The following GRIK1 variants were observed in gnomAD, a reference collection of about 807,000 sequenced individuals.
GRIK1 encodes glutamate ionotropic receptor kainate type subunit 1.
Under a neutral mutation model 105.7 loss-of-function variants are expected in GRIK1, and 69 were observed. The observed-to-expected ratio is 0.65, with a 90% CI of 0.54 to 0.80. The LOEUF is 0.80. Among genes scored for constraint, GRIK1 ranks in the 30% least tolerant of loss-of-function variants. GRIK1 has a pLI of 0.00. For missense variants in GRIK1, 1,109 were observed against 1,167.3 expected (o/e 0.95, Z 0.73); for synonymous variants, 438 against 431.3 (o/e 1.02, Z -0.19).
chr21:29,738,442 A>G (rs1419825844), intron 1 of GRIK1, among the ~76,000 whole-genome samples: 1 of 152,220 alleles, frequency 6.6e-6, no homozygotes, highest in Non-Finnish European at 1.5e-5. Context: ...TTTTGCAGTC[A>G]CTTGGAGAGA....
intron 7 of GRIK1, among the ~76,000 whole-genome samples, chr21:29,636,740 C>T (rs751224324): frequency 6.6e-6 from 1 of 152,166 alleles, no homozygotes; most frequent in Non-Finnish European, 1.5e-5. Flanking sequence ...CCACATTAAT[C>T]TTTGTTGGTT....
intron 1 of GRIK1, among the ~76,000 whole-genome samples, chr21:29,821,338 C>A (rs1323426070): frequency 6.6e-6 from 1 of 152,008 alleles, no homozygotes; most frequent in Non-Finnish European, 1.5e-5. Flanking sequence ...CAGTTGCAGG[C>A]CTCAGTCTAT....
At chr21:29,554,960 A>G (rs2090211471) in intron 16 of GRIK1, 92 bp downstream of exon 16, 5 of 1,075,702 alleles carry the variant, frequency 4.6e-6, no homozygotes, top group Non-Finnish European at 6.7e-6. Context: ...AATTCAATAG[A>G]CTGAAAAAGA....
intron 1 of GRIK1, among the ~76,000 whole-genome samples, chr21:29,867,389 G>C (rs1190277440): frequency 6.6e-6 from 1 of 152,106 alleles, no homozygotes; most frequent in African/African-American, 2.4e-5. Context: ...GGCAGAAAAG[G>C]GATAGGAGGG....
intron 7 of GRIK1, among the ~76,000 whole-genome samples, chr21:29,641,969 C>G (rs1459361550): frequency 6.6e-6 from 1 of 151,906 alleles, no homozygotes; most frequent in Non-Finnish European, 1.5e-5. Flanking sequence ...TTCTCCAGTA[C>G]AGAAAGGAAA....
At chr21:29,831,717 C>T (rs1278537076) in intron 1 of GRIK1, among the ~76,000 whole-genome samples, 36 of 152,092 alleles carry the variant, frequency 2.4e-4, no homozygotes, top group Admixed American at 2.2e-3. Context: ...TCCTCCAACA[C>T]CAAGGATAAA....
chr21:29,916,991 C>T (rs1413430002), intron 1 of GRIK1, among the ~76,000 whole-genome samples: 3 of 151,948 alleles, frequency 2.0e-5, no homozygotes, highest in Non-Finnish European at 1.5e-5. Flanking sequence ...AGTCTCAATT[C>T]TCTCCAGAAA....
intron 12 of GRIK1, chr21:29,582,294 T>C (rs1177170730): frequency 2.1e-6 from 1 of 466,106 alleles, no homozygotes; most frequent in Non-Finnish European, 4.4e-6. Context: ...TTTTGATTTG[T>C]TTTAAATTTG....
chr21:29,910,558 G>A (rs1392705955), intron 1 of GRIK1, among the ~76,000 whole-genome samples: 2 of 152,096 alleles, frequency 1.3e-5, no homozygotes, highest in African/African-American at 4.8e-5. Context: ...GTGTAATACA[G>A]CAAATTCAAT....
At chr21:29,577,769 A>G (rs2090930281) in intron 13 of GRIK1, among the ~76,000 whole-genome samples, 1 of 152,192 alleles carries the variant, frequency 6.6e-6, no homozygotes, top group African/African-American at 2.4e-5. Context: ...TTTCTACTGT[A>G]GATTTTTATT....
At chr21:29,552,179 T>C (rs1347204564) in intron 16 of GRIK1, among the ~76,000 whole-genome samples, 3 of 152,128 alleles carry the variant, frequency 2.0e-5, no homozygotes, top group Admixed American at 6.5e-5. Context: ...AAATGCTGTA[T>C]GATTGCACAG....
At chr21:29,787,068 A>G (rs1439794660) in intron 1 of GRIK1, among the ~76,000 whole-genome samples, 1 of 152,148 alleles carries the variant, frequency 6.6e-6, no homozygotes, top group Non-Finnish European at 1.5e-5. Context: ...TTTAGTTTCA[A>G]ATACATATTT....
chr21:29,831,680 T>C (rs575147185), intron 1 of GRIK1, among the ~76,000 whole-genome samples: 12 of 152,038 alleles, frequency 7.9e-5, no homozygotes, highest in Non-Finnish European at 1.8e-4. Flanking sequence ...TCAGCCCCCA[T>C]GATCAAAACA....
intron 7 of GRIK1, among the ~76,000 whole-genome samples, chr21:29,634,165 CCAAA>C (rs1206102906): frequency 6.6e-6 from 1 of 152,144 alleles, no homozygotes; most frequent in Non-Finnish European, 1.5e-5. Context: ...AAGTAAAAAT[CCAAA>C]CAAATATTAA....
chr21:29,538,237 G>T (rs2089913457), intron 16 of GRIK1, among the ~76,000 whole-genome samples: 2 of 152,184 alleles, frequency 1.3e-5, no homozygotes, highest in Admixed American at 1.3e-4. Flanking sequence ...ATAATGTCCT[G>T]GTTAGAGAAA....
intron 1 of GRIK1, among the ~76,000 whole-genome samples, chr21:29,790,627 A>G (rs1163274927): frequency 6.6e-6 from 1 of 151,464 alleles, no homozygotes; most frequent in Non-Finnish European, 1.5e-5. Flanking sequence ...GTATTTTTGT[A>G]TTTTTTGTAG....
At chr21:29,612,537 C>G (rs2061751651) in intron 7 of GRIK1, among the ~76,000 whole-genome samples, 1 of 152,194 alleles carries the variant, frequency 6.6e-6, no homozygotes, top group African/African-American at 2.4e-5. Context: ...CTCTTCCCTT[C>G]AGTACATTGT....
chr21:29,561,634 T>C lies in GRIK1; in HGVS notation c.2346A>G (p.Gly782=). 1 of 1,604,928 alleles carries C rather than the reference T, an allele frequency of 6.2e-7. No individual in the cohort carries two copies. Among genetic ancestry groups the C allele is most frequent in the Non-Finnish European group, 8.5e-7 (1 of 1,171,554 alleles). ...GLIDSKGYGV[G]TPIGSPYRDK... ...GTCTACCCGTCTTACCAATAGGTGT[T>C]CCCACTCCGTAACCTTTGGAGTCAA... is the stretch of plus-strand genomic sequence containing the variant. Residue 782 remains glycine, a synonymous_variant, in exon 15 of 18, where the codon GGA becomes GGG. Transcript: ENST00000327783.
At chr21:29,915,010 GT>G (rs1431356892) in intron 1 of GRIK1, among the ~76,000 whole-genome samples, 6 of 151,946 alleles carry the variant, frequency 3.9e-5, no homozygotes, top group South Asian at 4.1e-4. Flanking sequence ...GATGAAATAT[GT>G]TTTTTACATA....
Sources: gnomAD v4.1 joint callset for allele counts (sites outside exome capture counted in the v4.1 genomes callset) on GRCh38, gnomAD v4.1.1 for gene constraint, MANE v1.5 for transcripts, NCBI Gene and HGNC (gene_info 2026-07-23, HGNC 2026-07-21) for gene names.